Variants in ARHGAP22 observed in about 807,000 individuals in gnomAD.
ARHGAP22 encodes rho GTPase-activating protein 22.
A neutral mutation model predicts 59.1 loss-of-function variants in ARHGAP22; 48 were observed. The ratio of observed to expected loss-of-function variants is 0.81; its 90% CI spans 0.64 to 1.03. ARHGAP22 has a LOEUF of 1.03. Among genes scored for constraint, ARHGAP22 ranks in the 50% least tolerant of loss-of-function variants. The pLI is 0.00. For missense variants in ARHGAP22, 1,015 were observed against 958.7 expected (o/e 1.06, Z -0.78); for synonymous variants, 445 against 416.4 (o/e 1.07, Z -0.84).
intron 4 of ARHGAP22, among the ~76,000 whole-genome samples, chr10:48,463,550 T>C (rs747302018): frequency 1.3e-5 from 2 of 152,084 alleles, no homozygotes; most frequent in Non-Finnish European, 2.9e-5. Flanking sequence ...ACTGCTTGAG[T>C]GGCATGAATC....
upstream of ARHGAP22, chr10:48,605,161 G>A (rs1244516961): frequency 8.7e-6 from 10 of 1,150,610 alleles, no homozygotes; most frequent in African/African-American, 3.3e-5. Context: ...GGCCGAGAGG[G>A]GCGGGGCCAG....
intron 3 of ARHGAP22, among the ~76,000 whole-genome samples, chr10:48,548,360 T>A (rs2056628706): frequency 6.6e-6 from 1 of 152,066 alleles, no homozygotes; most frequent in Admixed American, 6.5e-5. Context: ...CCCACCCCAT[T>A]TACGGTTACT....
intron 3 of ARHGAP22, among the ~76,000 whole-genome samples, chr10:48,484,246 A>G (rs1189496884): frequency 6.6e-6 from 1 of 152,252 alleles, no homozygotes; most frequent in East Asian, 1.9e-4. Flanking sequence ...TCTTTTCTGC[A>G]TCTATTGTAA....
Position 48,450,493 on chromosome 10 carries a change from C to A in ARHGAP22, c.1636G>T (p.Asp546Tyr). 2.0e-6 allele frequency: 3 copies of A among 1,532,456 alleles called. No individual in the cohort carries two copies. The highest frequency in any genetic ancestry group is 1.8e-6 in the Non-Finnish European group (2 of 1,138,638). The allele number at this position is 1,532,456 out of a possible 1,614,324, so 94.9% of individuals were successfully genotyped here. ...AGCGGGGAGGGCTCCAGGGCCCAGT[C>A]GGTGTGCAGGGAACTGCGGGCAGAC... The part of the protein sequence containing the change: ...DSSARSSLHT[D>Y]WALEPSPLPS... The change falls in exon 9 of 10, where the codon GAC (aspartate) becomes TAC (tyrosine). Residue 546 changes from aspartate (D) to tyrosine (Y), a missense_variant. By Grantham distance (160) the Asp-to-Tyr change is radical. Transcript: ENST00000249601.
At chr10:48,625,943 C>A (rs2061434699) in intron 1 of ARHGAP22, among the ~76,000 whole-genome samples, 1 of 152,154 alleles carries the variant, frequency 6.6e-6, no homozygotes, top group Non-Finnish European at 1.5e-5. Flanking sequence ...ACAGAAAGTG[C>A]TTCCCCAAAT....
chr10:48,604,692 G>C, intron 1 of ARHGAP22, 71 bp downstream of exon 1: 1 of 1,612,436 alleles, frequency 6.2e-7, no homozygotes, highest in Middle Eastern at 1.7e-4. Flanking sequence ...GTGACGGCTG[G>C]CCAAGTGTCC....
At chr10:48,641,869 C>T (rs1169742971) in intron 1 of ARHGAP22, among the ~76,000 whole-genome samples, 1 of 151,802 alleles carries the variant, frequency 6.6e-6, no homozygotes, top group Non-Finnish European at 1.5e-5. Context: ...CCAAAATCTC[C>T]TTAAGCAACC....
At chr10:48,497,201 G>A (rs983723956) in intron 3 of ARHGAP22, among the ~76,000 whole-genome samples, 2 of 152,156 alleles carry the variant, frequency 1.3e-5, no homozygotes, top group Non-Finnish European at 2.9e-5. Flanking sequence ...TTATCAAAAC[G>A]GCAAGATGTG....
intron 3 of ARHGAP22, among the ~76,000 whole-genome samples, chr10:48,518,167 G>A (rs2053474693): frequency 6.6e-6 from 1 of 152,196 alleles, no homozygotes; most frequent in African/African-American, 2.4e-5. Flanking sequence ...TCAGTCTCCT[G>A]AGCAAGGCCC....
chr10:48,496,504 T>A (rs1439798986), intron 3 of ARHGAP22, among the ~76,000 whole-genome samples: 1 of 152,186 alleles, frequency 6.6e-6, no homozygotes, highest in African/African-American at 2.4e-5. Context: ...TTGCTCATAG[T>A]CACATAGGTA....
intron 3 of ARHGAP22, among the ~76,000 whole-genome samples, chr10:48,537,000 C>A (rs546952797): frequency 2.6e-5 from 4 of 152,090 alleles, no homozygotes; most frequent in Non-Finnish European, 5.9e-5. Flanking sequence ...AAAAAAAAAC[C>A]CCATCACCAA....
chr10:48,528,666 G>A (rs2054550278), intron 3 of ARHGAP22, among the ~76,000 whole-genome samples: 1 of 152,190 alleles, frequency 6.6e-6, no homozygotes, highest in African/African-American at 2.4e-5. Context: ...CAGTGTTGGA[G>A]GTGGGCCTAG....
chr10:48,604,552 C>T (rs2060571447), intron 1 of ARHGAP22, among the ~76,000 whole-genome samples: 1 of 152,230 alleles, frequency 6.6e-6, no homozygotes, highest in Non-Finnish European at 1.5e-5. Context: ...AGCCGGCCAC[C>T]GCCCTTTTGC....
chr10:48,546,258 G>A (rs1035709066), intron 3 of ARHGAP22, among the ~76,000 whole-genome samples: 4 of 152,194 alleles, frequency 2.6e-5, no homozygotes, highest in Non-Finnish European at 5.9e-5. Context: ...AGACATTGGT[G>A]GAGATGAGCA....
At chr10:48,503,986 TA>T (rs1161601918) in intron 3 of ARHGAP22, among the ~76,000 whole-genome samples, 2 of 152,228 alleles carry the variant, frequency 1.3e-5, no homozygotes, top group Non-Finnish European at 2.9e-5. Context: ...CTGGGTTCCC[TA>T]AAATCAAAGC....
At chr10:48,628,458 C>G (rs1355199999) in intron 1 of ARHGAP22, among the ~76,000 whole-genome samples, 1 of 152,164 alleles carries the variant, frequency 6.6e-6, no homozygotes, top group Non-Finnish European at 1.5e-5. Context: ...TTGAGTAACA[C>G]CAGGTGGCTC....
chr10:48,655,112 C>CTCTTCTCTTCTCTTT, upstream of ARHGAP22, among the ~76,000 whole-genome samples: 1 of 34,172 alleles, frequency 2.9e-5, no homozygotes, highest in African/African-American at 1.1e-4. Context: ...CTCTTCTCTT[C>CTCTTCTCTTCTCTTT]TCTTTCCTCT....
intron 4 of ARHGAP22, among the ~76,000 whole-genome samples, chr10:48,460,210 T>C (rs1275665236): frequency 6.6e-6 from 1 of 152,174 alleles, no homozygotes; most frequent in African/African-American, 2.4e-5. Context: ...ATTATGCCTG[T>C]CATTGATTGG....
intron 3 of ARHGAP22, among the ~76,000 whole-genome samples, chr10:48,548,932 C>T (rs1332062317): frequency 2.6e-5 from 4 of 152,212 alleles, no homozygotes; most frequent in African/African-American, 9.6e-5. Flanking sequence ...AGAGCTGGCT[C>T]AAGCTGCAGT....
Sources: allele counts gnomAD v4.1 joint callset (sites outside exome capture counted in the v4.1 genomes callset), GRCh38; gene constraint gnomAD v4.1.1; transcripts MANE v1.5; gene names NCBI Gene and HGNC (gene_info 2026-07-23, HGNC 2026-07-21).